SLC1A3: variants seen among roughly 807,000 people sequenced by gnomAD.
The protein encoded by SLC1A3 is excitatory amino acid transporter 1.
SLC1A3 carries 21 observed loss-of-function variants against 48.1 expected under a neutral mutation model. That is an observed-to-expected ratio of 0.44 (90% CI 0.31 to 0.63). The LOEUF (loss-of-function observed/expected upper bound fraction) is 0.63, where lower values mean the gene tolerates loss of function less well. SLC1A3 is among the 20% of genes least tolerant of loss of function. The pLI is 0.08. For synonymous variants in SLC1A3, 239 were observed against 251.4 expected, an observed-to-expected ratio of 0.95 and a Z score of 0.47; for missense variants, 546 against 689.0, an observed-to-expected ratio of 0.79 and a Z score of 2.32.
chr5:36,625,897 A>T (rs543511988), intron 2 of SLC1A3, among the ~76,000 whole-genome samples: 1 of 152,358 alleles, frequency 6.6e-6, no homozygotes, highest in South Asian at 2.1e-4. Flanking sequence ...TGCACTTCCC[A>T]GCAAGACCAG....
At chr5:36,601,468 C>T (rs1166096072), upstream of SLC1A3, among the ~76,000 whole-genome samples, 1 of 152,210 alleles carries the variant, frequency 6.6e-6, no homozygotes, top group African/African-American at 2.4e-5. Flanking sequence ...TTACGGATGA[C>T]ATTCAGAACT....
intron 3 of SLC1A3, among the ~76,000 whole-genome samples, chr5:36,637,813 G>A (rs1033918625): frequency 6.6e-6 from 1 of 152,134 alleles, no homozygotes; most frequent in East Asian, 1.9e-4. Context: ...ATTCTGAGAG[G>A]ATGCACTGTC....
At chr5:36,679,973 G>A in intron 7 of SLC1A3, 113 bp downstream of exon 7, 1 of 758,976 alleles carries the variant, frequency 1.3e-6, no homozygotes. Context: ...CAAGAATGAT[G>A]AGTTAGCTTT....
At chr5:36,648,343 T>C (rs1214369279) in intron 3 of SLC1A3, among the ~76,000 whole-genome samples, 4 of 152,198 alleles carry the variant, frequency 2.6e-5, no homozygotes, top group Non-Finnish European at 5.9e-5. Context: ...AGAAACCTTT[T>C]TATTAACGAT....
intron 2 of SLC1A3, among the ~76,000 whole-genome samples, chr5:36,628,386 C>T (rs1352013669): frequency 6.6e-6 from 1 of 152,158 alleles, no homozygotes; most frequent in African/African-American, 2.4e-5. Context: ...CTTGTGCCAA[C>T]CCGGTATCAT....
chr5:36,632,794 T>G (rs907591743), intron 3 of SLC1A3, among the ~76,000 whole-genome samples: 2 of 152,346 alleles, frequency 1.3e-5, no homozygotes, highest in African/African-American at 4.8e-5. Context: ...CTGAGACATC[T>G]AAGTTATATT....
chr5:36,629,749 G>A (rs1740065499), intron 3 of SLC1A3, among the ~76,000 whole-genome samples, 162 bp downstream of exon 3: 1 of 150,994 alleles, frequency 6.6e-6, no homozygotes, highest in Non-Finnish European at 1.5e-5. Flanking sequence ...CTTTAGTAAT[G>A]CATGAATGAT....
chr5:36,617,731 G>C (rs570706064), intron 2 of SLC1A3, among the ~76,000 whole-genome samples: 87 of 152,138 alleles, frequency 5.7e-4, no homozygotes, highest in Non-Finnish European at 9.3e-4. Context: ...TTAGCACGTA[G>C]AAAGGCCCCT....
At chr5:36,650,043 GT>G (rs1561264753) in intron 3 of SLC1A3, among the ~76,000 whole-genome samples, 2 of 152,190 alleles carry the variant, frequency 1.3e-5, no homozygotes, top group African/African-American at 2.4e-5. Flanking sequence ...AAATACGTTT[GT>G]GGGCAGATGT....
At chr5:36,676,848 A>G (rs1234284107) in intron 5 of SLC1A3, 44 bp from the exon 6 acceptor site, 1 of 1,467,784 alleles carries the variant, frequency 6.8e-7, no homozygotes. Context: ...TAAAGAAAAA[A>G]ATAAAAATCA....
At chr5:36,644,461 T>G (rs1740756971) in intron 3 of SLC1A3, among the ~76,000 whole-genome samples, 1 of 152,252 alleles carries the variant, frequency 6.6e-6, no homozygotes, top group Admixed American at 6.5e-5. Context: ...TTTCTTTAGT[T>G]GTAGTGAATA....
upstream of SLC1A3, among the ~76,000 whole-genome samples, chr5:36,604,828 C>T (rs1013419957): frequency 6.7e-6 from 1 of 149,992 alleles, no homozygotes; most frequent in Non-Finnish European, 1.5e-5. Flanking sequence ...GGCTTGAAAC[C>T]CCATTTAAAA....
chr5:36,614,215 T>TAA (rs1561239810), intron 2 of SLC1A3, among the ~76,000 whole-genome samples: 1 of 152,240 alleles, frequency 6.6e-6, no homozygotes, highest in Non-Finnish European at 1.5e-5. Flanking sequence ...GCTTGCCAGG[T>TAA]AAAGTGTCCA....
intron 2 of SLC1A3, among the ~76,000 whole-genome samples, chr5:36,616,313 T>C (rs879098468): frequency 2.6e-5 from 4 of 152,152 alleles, no homozygotes. Context: ...TCAAGAGAGT[T>C]TGAAACCAAA....
chr5:36,663,351 G>T (rs1741592616), intron 3 of SLC1A3, among the ~76,000 whole-genome samples: 1 of 146,960 alleles, frequency 6.8e-6, no homozygotes, highest in Admixed American at 6.8e-5. Flanking sequence ...GGGTAGCTGG[G>T]ATTACAGGCA....
At chr5:36,683,408 T>C (rs988491507) in intron 8 of SLC1A3, among the ~76,000 whole-genome samples, 3 of 152,168 alleles carry the variant, frequency 2.0e-5, no homozygotes, top group African/African-American at 7.2e-5. Context: ...CAATTTTTTT[T>C]TTTTTAATCT....
At chr5:36,621,151 C>A (rs1406676453) in intron 2 of SLC1A3, among the ~76,000 whole-genome samples, 1 of 152,144 alleles carries the variant, frequency 6.6e-6, no homozygotes. Context: ...GGTGATCCAC[C>A]CACCTCGGCC....
intron 5 of SLC1A3, 28 bp from the exon 6 acceptor site, chr5:36,676,864 A>C (rs751105974): frequency 6.4e-7 from 1 of 1,569,688 alleles, no homozygotes; most frequent in South Asian, 1.1e-5. Context: ...AATCACCTTT[A>C]ATCCTCGTTG....
At chr5:36,676,385 A>G (rs1437876430) in intron 5 of SLC1A3, among the ~76,000 whole-genome samples, 1 of 152,240 alleles carries the variant, frequency 6.6e-6, no homozygotes. Context: ...GTGAGGTAGA[A>G]CCAGCACAAC....
Sources: gnomAD v4.1 joint callset for allele counts (sites outside exome capture counted in the v4.1 genomes callset) on GRCh38, gnomAD v4.1.1 for gene constraint, MANE v1.5 for transcripts, NCBI Gene and HGNC (gene_info 2026-07-23, HGNC 2026-07-21) for gene names.